Variants in NDE1 observed in about 807,000 individuals in gnomAD.
The protein encoded by NDE1 is nuclear distribution protein nudE homolog 1.
Under a neutral mutation model 43.4 loss-of-function variants are expected in NDE1, and 28 were observed. The observed-to-expected ratio is 0.65, with a 90% CI of 0.48 to 0.89. The LOEUF (loss-of-function observed/expected upper bound fraction) is 0.89, where lower values mean the gene tolerates loss of function less well. NDE1 is among the 40% of genes least tolerant of loss of function. The pLI is 0.00. For synonymous variants in NDE1, 184 were observed against 172.0 expected (o/e 1.07, Z -0.55); for missense variants, 441 against 434.1 (o/e 1.02, Z -0.14).
intron 8 of NDE1, among the ~76,000 whole-genome samples, chr16:15,716,259 A>G (rs757510917): frequency 3.3e-5 from 5 of 152,014 alleles, no homozygotes; most frequent in Non-Finnish European, 7.4e-5. Context: ...GCCGATGAAA[A>G]TGTTCTCAAA....
chr16:15,667,279 G>C lies in NDE1; in HGVS notation c.84-7G>C. On this transcript the variant is annotated splice_polypyrimidine_tract_variant and splice_region_variant and intron_variant, in intron 2 of 8. Transcript: ENST00000396354. ...TTACTACGTGATGATTAACAATTTT[G>C]CTGTAGGGCAGAAAATACGCAAGAG... is the stretch of plus-strand genomic sequence containing the variant. 6.2e-7 allele frequency: 1 copy of C among 1,614,050 alleles called. No homozygotes were observed.
At chr16:15,720,668 G>A (rs2040417938) in intron 8 of NDE1, among the ~76,000 whole-genome samples, 1 of 151,978 alleles carries the variant, frequency 6.6e-6, no homozygotes, top group South Asian at 2.1e-4. Context: ...AGGAGGTGGA[G>A]GTTGCAGTGA....
At chr16:15,687,248 C>T in intron 4 of NDE1, 127 bp from the exon 5 acceptor site, 1 of 1,579,968 alleles carries the variant, frequency 6.3e-7, no homozygotes, top group Non-Finnish European at 8.6e-7. Context: ...CACTCTGTGG[C>T]ATCTAGGAAG....
chr16:15,704,094 G>T, intron 8 of NDE1: 3 of 1,614,110 alleles, frequency 1.9e-6, no homozygotes, highest in Non-Finnish European at 2.5e-6. Context: ...AGACCTTCTA[G>T]AAGGAACGAA....
rs139334857 is a variant in NDE1, at chr16:15,668,860, C to T, written c.237+1421C>T. On this transcript the variant is annotated intron_variant, in intron 3 of 8. Transcript: ENST00000396354. ...TGACATTGGAGCCCGGATCATCCTC[C>T]GTTGGGAGGGACTGAGGTTTGCTTT... Among the ~76,000 whole-genome samples the T allele has an allele frequency of 8.5e-5, 13 of 152,212 alleles. No homozygotes were observed. The East Asian group carries it at 1.4e-3, about 16-fold the overall frequency.
chr16:15,718,188 A>G lies in NDE1; in HGVS notation c.948-6003A>G, dbSNP rs551812413. ...CCCTGGATCTCTACTCTCAGGCCCC[A>G]CCACCCTCTTGTCCCTCAATCCAGG... On this transcript the variant is annotated intron_variant, in intron 8 of 8. Transcript: ENST00000396354. The G allele has an allele frequency of 2.9e-5, 43 of 1,489,964 alleles. No individual in the cohort carries two copies. The East Asian group carries it at 6.1e-4, about 21-fold the overall frequency. The allele number at this position is 1,489,964 out of a possible 1,614,324, so 92.3% of individuals were successfully genotyped here. A position where few individuals can be genotyped will look rare whatever the true frequency, so the allele number is the denominator to read the frequency against.
At chr16:15,716,285 GTT>G (rs2040130848) in intron 8 of NDE1, among the ~76,000 whole-genome samples, 1 of 151,944 alleles carries the variant, frequency 6.6e-6, no homozygotes, top group Non-Finnish European at 1.5e-5. Flanking sequence ...TGTGGTGATC[GTT>G]TTTACATGTT....
chr16:15,720,339 G>T, intron 8 of NDE1: 1 of 1,606,400 alleles, frequency 6.2e-7, no homozygotes, highest in Non-Finnish European at 8.5e-7. Flanking sequence ...GATGTGTGCT[G>T]CCCCACTTGC....
chr16:15,705,709 T>C (rs941113412), intron 8 of NDE1, among the ~76,000 whole-genome samples: 1 of 152,056 alleles, frequency 6.6e-6, no homozygotes, highest in African/African-American at 2.4e-5. Flanking sequence ...CGGCTGGGCA[T>C]GGTGGCTCAC....
At chr16:15,686,448 G>C (rs2038443539) in intron 4 of NDE1, 2 of 985,300 alleles carry the variant, frequency 2.0e-6, no homozygotes, top group African/African-American at 3.5e-5. Context: ...GTTGTGAGCA[G>C]GGCAGCTGGG....
At chr16:15,708,698 G>A in intron 8 of NDE1, 1 of 1,245,438 alleles carries the variant, frequency 8.0e-7, no homozygotes, top group Non-Finnish European at 1.2e-6. Context: ...GAATCTCGTG[G>A]AAATGTGCAA....
intron 3 of NDE1, among the ~76,000 whole-genome samples, chr16:15,671,452 G>A (rs1016719288): frequency 5.9e-5 from 9 of 152,204 alleles, no homozygotes; most frequent in African/African-American, 2.2e-4. Context: ...TGAGGCTGCA[G>A]TGAGCTATGA....
At position 15,720,770 on chromosome 16, in the gene NDE1, A is replaced by G. The variant is rs569768298; in HGVS notation, c.948-3421A>G. 137 of 1,492,288 alleles carry G rather than the reference A, an allele frequency of 9.2e-5. No homozygotes were observed. In the East Asian group the frequency reaches 2.8e-3, roughly 30 times the overall value. The allele number at this position is 1,492,288 out of a possible 1,614,324, so 92.4% of individuals were successfully genotyped here. On this transcript the variant is annotated intron_variant, in intron 8 of 8. Coordinates refer to ENST00000396354, the MANE Select transcript of NDE1 (RefSeq NM_017668.3). ...AGAAAACGAAGTTTCCACACCAACC[A>G]TGAGAGTGGTGATAGGAATGAAAAA...
At chr16:15,716,284 C>T (rs1268051735) in intron 8 of NDE1, among the ~76,000 whole-genome samples, 5 of 152,022 alleles carry the variant, frequency 3.3e-5, no homozygotes, top group Non-Finnish European at 7.4e-5. Context: ...CTGTGGTGAT[C>T]GTTTTTACAT....
chr16:15,643,616 T>A (rs1486012900), exon 1 of NDE1: 1 of 270,600 alleles, frequency 3.7e-6, no homozygotes, highest in African/African-American at 2.4e-5. Context: ...TGGTCCTACT[T>A]TATTTTTAAA....
At chr16:15,681,446 G>T (rs1326726180) in intron 4 of NDE1, among the ~76,000 whole-genome samples, 1 of 151,100 alleles carries the variant, frequency 6.6e-6, no homozygotes, top group Non-Finnish European at 1.5e-5. Context: ...TGTATTTTTT[G>T]TAGATACAGG....
At chr16:15,656,730 G>A (rs961249578) in intron 1 of NDE1, among the ~76,000 whole-genome samples, 3 of 151,958 alleles carry the variant, frequency 2.0e-5, no homozygotes, top group South Asian at 2.1e-4. Context: ...TAGCAGAGAT[G>A]GGGTTTTACC....
At chr16:15,721,361 G>A in intron 8 of NDE1, 3 of 1,554,910 alleles carry the variant, frequency 1.9e-6, no homozygotes, top group Non-Finnish European at 2.7e-6. Context: ...ATGGACTGGT[G>A]AATAGCACAG....
rs143297174 is a variant in NDE1 at position 15,693,127 on chromosome 16, G to A, written c.704-1038G>A. 2.1e-3 allele frequency among the ~76,000 whole-genome samples: 321 copies of A among 151,986 alleles called. 5 individuals are homozygous for A. In the East Asian group the frequency reaches 0.045, roughly 21 times the overall value. On this transcript the variant is annotated intron_variant, in intron 6 of 8. Coordinates refer to ENST00000396354, the MANE Select transcript of NDE1 (RefSeq NM_017668.3). ...AGCGATTCTCATGCCTCAGCCTCCC[G>A]AGTAGCTGGGATTACAGGCAGGCAC...
Sources: gnomAD v4.1 joint callset for allele counts (sites outside exome capture counted in the v4.1 genomes callset) on GRCh38, gnomAD v4.1.1 for gene constraint, MANE v1.5 for transcripts, NCBI Gene and HGNC (gene_info 2026-07-23, HGNC 2026-07-21) for gene names.